FGF13: variants seen among roughly 807,000 people sequenced by gnomAD.
FGF13 encodes fibroblast growth factor 13.
In FGF13, 2 loss-of-function variants were observed where a neutral mutation model predicts 19.5. That is an observed-to-expected ratio of 0.10 (90% CI 0.04 to 0.32). FGF13 has a LOEUF of 0.32. FGF13 is among the 10% of genes least tolerant of loss of function. The pLI is 1.00. For synonymous variants in FGF13, 72 were observed against 76.9 expected, an observed-to-expected ratio of 0.94 and a Z score of 0.33; for missense variants, 113 against 192.7, an observed-to-expected ratio of 0.59 and a Z score of 2.45.
intron 3 of FGF13, among the ~76,000 whole-genome samples, chrX:138,767,348 ATGATGCATC>A (rs1313804839): frequency 8.9e-6 from 1 of 112,055 alleles, no homozygotes; most frequent in South Asian, 3.7e-4. Context: ...CAGGCATTCA[ATGATGCATC>A]TGAAATTTTA....
chrX:138,986,427 T>G (rs1304456084), intron 1 of FGF13, among the ~76,000 whole-genome samples: 1 of 111,941 alleles, frequency 8.9e-6, no homozygotes, highest in Non-Finnish European at 1.9e-5. Context: ...CTATGTGCCA[T>G]TACCTCACAC....
chrX:138,694,608 G>A (rs2089874536), intron 3 of FGF13, among the ~76,000 whole-genome samples: 2 of 106,306 alleles, frequency 1.9e-5, no homozygotes, highest in East Asian at 5.9e-4. Context: ...CTGCCACCAA[G>A]CCCGGCTAAT....
chrX:138,904,783 G>A (rs1016562519), intron 1 of FGF13, among the ~76,000 whole-genome samples: 6 of 111,266 alleles, frequency 5.4e-5, no homozygotes, highest in Admixed American at 3.8e-4. Flanking sequence ...AGGGACATGC[G>A]CGCTCCAAGA....
intron 3 of FGF13, among the ~76,000 whole-genome samples, chrX:138,770,989 C>G (rs2090541112): frequency 9.0e-6 from 1 of 111,248 alleles, no homozygotes; most frequent in Non-Finnish European, 1.9e-5. Context: ...GGCCTGGTAA[C>G]ATTTTGTCAG....
chrX:139,173,862 C>A (rs1895107633), intron 1 of FGF13, among the ~76,000 whole-genome samples: 2 of 111,624 alleles, frequency 1.8e-5, no homozygotes, highest in South Asian at 7.6e-4. Context: ...AAATAAACAT[C>A]CGTGTGCATG....
At chrX:138,742,907 A>T (rs934226204), upstream of FGF13, among the ~76,000 whole-genome samples, 1 of 112,191 alleles carries the variant, frequency 8.9e-6, no homozygotes, top group African/African-American at 3.2e-5. Flanking sequence ...GTGCCACCGC[A>T]GCCTCTTGGC....
intron 3 of FGF13, among the ~76,000 whole-genome samples, chrX:138,659,369 C>T (rs969582244): frequency 2.7e-5 from 3 of 111,653 alleles, no homozygotes; most frequent in Admixed American, 9.5e-5. Flanking sequence ...TACCATCTCA[C>T]GCCAGTTAGA....
chrX:139,081,599 T>C (rs751218748), intron 1 of FGF13, among the ~76,000 whole-genome samples: 51 of 111,901 alleles, frequency 4.6e-4, no homozygotes, highest in Non-Finnish European at 7.0e-4. Context: ...TCTCACTCTT[T>C]ACTCATCTGA....
At chrX:138,971,578 T>C (rs2091915871) in intron 1 of FGF13, among the ~76,000 whole-genome samples, 1 of 111,344 alleles carries the variant, frequency 9.0e-6, no homozygotes, top group African/African-American at 3.3e-5. Context: ...ATTTTTAAGG[T>C]ATATTTTCTT....
At chrX:138,734,544 G>A (rs1175371288) in intron 1 of FGF13, among the ~76,000 whole-genome samples, 7 of 111,790 alleles carry the variant, frequency 6.3e-5, no homozygotes, top group Non-Finnish European at 1.1e-4. Flanking sequence ...TAGCCAGTAA[G>A]TACTGTGAGA....
intron 1 of FGF13, among the ~76,000 whole-genome samples, chrX:139,051,492 T>C (rs1168081028): frequency 8.9e-6 from 1 of 111,856 alleles, no homozygotes; most frequent in Non-Finnish European, 1.9e-5. Context: ...TGGGTCATAG[T>C]TGGGGATTAA....
At chrX:139,159,655 C>CAAAAAAAAAAAAAAAAAAAAA (rs550001786) in intron 1 of FGF13, among the ~76,000 whole-genome samples, 1 of 51,670 alleles carries the variant, frequency 1.9e-5, no homozygotes, top group African/African-American at 7.5e-5. Flanking sequence ...AAAGAGAAAG[C>CAAAAAAAAAAAAAAAAAAAAA]AAAAAAAAAA....
intron 1 of FGF13, among the ~76,000 whole-genome samples, chrX:139,063,421 A>G (rs1193797728): frequency 1.8e-5 from 2 of 111,490 alleles, no homozygotes; most frequent in African/African-American, 6.5e-5. Flanking sequence ...CGGCAATTAT[A>G]ATGCCCAATA....
intron 3 of FGF13, among the ~76,000 whole-genome samples, chrX:138,826,108 A>T (rs1165976386): frequency 8.9e-6 from 1 of 111,996 alleles, no homozygotes; most frequent in Non-Finnish European, 1.9e-5. Context: ...CTCAGTCACC[A>T]TCAGCTCAGC....
At chrX:138,873,494 C>T (rs1450534161) in intron 1 of FGF13, among the ~76,000 whole-genome samples, 1 of 111,724 alleles carries the variant, frequency 9.0e-6, no homozygotes, top group Non-Finnish European at 1.9e-5. Flanking sequence ...GGAAAACTAA[C>T]GCAAAGGGGA....
intron 1 of FGF13, among the ~76,000 whole-genome samples, chrX:139,108,977 T>G (rs1338378280): frequency 9.0e-6 from 1 of 110,618 alleles, no homozygotes; most frequent in East Asian, 2.8e-4. Flanking sequence ...CTGAGGATAA[T>G]GGCTTCCAGC....
intron 1 of FGF13, among the ~76,000 whole-genome samples, chrX:138,946,880 C>T (rs1476245593): frequency 8.9e-6 from 1 of 112,145 alleles, no homozygotes; most frequent in Non-Finnish European, 1.9e-5. Flanking sequence ...TTCTGTCAGT[C>T]TCCAACAACT....
intron 1 of FGF13, among the ~76,000 whole-genome samples, chrX:138,977,103 G>C (rs993584338): frequency 8.9e-6 from 1 of 111,754 alleles, no homozygotes; most frequent in African/African-American, 3.3e-5. Context: ...TAGGAATGTA[G>C]AGAAGGGTAG....
At position 138,618,886 on chromosome X, in the gene FGF13, G is replaced by T. The variant is rs151064274; in HGVS notation, c.*13964C>A. The T allele has an allele frequency of 6.2e-4, 69 of 111,577 alleles. No homozygotes were observed. Among genetic ancestry groups the T allele is most frequent in the African/African-American group, 2.2e-3 (67 of 30,715 alleles). The allele number at this position is 111,577 out of a possible 1,213,427, so 9.2% of individuals were successfully genotyped here. On this transcript the variant is annotated 3_prime_UTR_variant, in exon 5 of 5. Transcript: ENST00000315930. The stretch of plus-strand genomic sequence containing the variant: ...GCTTGAGTGACACATCTACAGAAAA[G>T]ATGTGCAAGAGTCTTAGTATCCCCA...
Sources: allele counts gnomAD v4.1 joint callset (sites outside exome capture counted in the v4.1 genomes callset), GRCh38; gene constraint gnomAD v4.1.1; transcripts MANE v1.5; gene names NCBI Gene and HGNC (gene_info 2026-07-23, HGNC 2026-07-21).